Variants in TXNDC16 observed in about 807,000 individuals in gnomAD.
TXNDC16 encodes the protein thioredoxin domain containing 16.
Under a neutral mutation model 85.6 loss-of-function variants are expected in TXNDC16, and 74 were observed. The observed-to-expected ratio is 0.86, with a 90% CI of 0.72 to 1.05. The LOEUF is 1.05. Among genes scored for constraint, TXNDC16 ranks in the 50% least tolerant of loss-of-function variants. The probability of loss-of-function intolerance (pLI) is 0.00; values close to 1 mark genes in which losing one functional copy is unlikely to be tolerated. For synonymous variants in TXNDC16, 335 were observed against 326.5 expected (o/e 1.03, Z -0.28); for missense variants, 959 against 947.0 (o/e 1.01, Z -0.17).
At chr14:52,433,721 T>C (rs977009851) in intron 20 of TXNDC16, among the ~76,000 whole-genome samples, 1 of 152,204 alleles carries the variant, frequency 6.6e-6, no homozygotes, top group Non-Finnish European at 1.5e-5. Flanking sequence ...AGCAGGGCAA[T>C]AAATTTAGGC....
chr14:52,521,770 TC>T (rs1449410455), intron 6 of TXNDC16, among the ~76,000 whole-genome samples: 17 of 152,346 alleles, frequency 1.1e-4, no homozygotes, highest in African/African-American at 4.1e-4. Flanking sequence ...TGAGCAGTAT[TC>T]ACTATGTGCT....
intron 16 of TXNDC16, among the ~76,000 whole-genome samples, chr14:52,465,915 T>G (rs1210376176): frequency 6.6e-6 from 1 of 152,082 alleles, no homozygotes; most frequent in African/African-American, 2.4e-5. Flanking sequence ...AAAAATAAGA[T>G]GAATTAATAA....
chr14:52,453,551 T>C (rs767543773), intron 18 of TXNDC16, among the ~76,000 whole-genome samples: 13 of 152,200 alleles, frequency 8.5e-5, no homozygotes, highest in Non-Finnish European at 1.2e-4. Flanking sequence ...CTGGAGGTCA[T>C]GATGTTAAAT....
intron 9 of TXNDC16, among the ~76,000 whole-genome samples, chr14:52,504,623 A>T (rs1299029436): frequency 1.3e-5 from 2 of 152,264 alleles, no homozygotes; most frequent in Non-Finnish European, 2.9e-5. Context: ...AACATTCCAA[A>T]TTGTAAAGAC....
At chr14:52,545,167 A>G (rs1481505813) in intron 1 of TXNDC16, among the ~76,000 whole-genome samples, 1 of 152,224 alleles carries the variant, frequency 6.6e-6, no homozygotes, top group Non-Finnish European at 1.5e-5. Flanking sequence ...CCTGGCCTCC[A>G]GGTTATAATT....
chr14:52,505,297 C>T (rs2036768776), intron 9 of TXNDC16, among the ~76,000 whole-genome samples: 1 of 152,236 alleles, frequency 6.6e-6, no homozygotes, highest in South Asian at 2.1e-4. Flanking sequence ...CACACCTATT[C>T]CAAAATTGAC....
chr14:52,435,060 T>C (rs1232826968), intron 20 of TXNDC16, among the ~76,000 whole-genome samples: 5 of 152,180 alleles, frequency 3.3e-5, no homozygotes, highest in African/African-American at 1.2e-4. Flanking sequence ...GTGATGATAA[T>C]ACATTAGAGT....
At chr14:52,513,614 C>G (rs1266446930) in intron 8 of TXNDC16, among the ~76,000 whole-genome samples, 1 of 151,536 alleles carries the variant, frequency 6.6e-6, no homozygotes, top group Non-Finnish European at 1.5e-5. Context: ...AGAAAAATAC[C>G]ATGCCTTAGT....
In TXNDC16 at chr14:52,542,596, C is replaced by T; in HGVS notation, c.161-143G>A. The T allele has an allele frequency of 7.6e-6, 4 of 523,054 alleles. No homozygotes were observed. In the South Asian group the frequency reaches 1.3e-4, roughly 17 times the overall value. The allele number at this position is 523,054 out of a possible 1,614,324, so 32.4% of individuals were successfully genotyped here. A position where few individuals can be genotyped will look rare whatever the true frequency, so the allele number is the denominator to read the frequency against. On this transcript the variant is annotated intron_variant, in intron 3 of 20. Transcript: ENST00000281741. Reference sequence around the variant, plus strand: ...ACATATCTCATTACATATTTTCACACCCTTATTTTACTATTGCCTCATTAT... The same window carrying T: ...ACATATCTCATTACATATTTTCACATCCTTATTTTACTATTGCCTCATTAT...
chr14:52,487,843 T>G (rs1405169345), intron 12 of TXNDC16, among the ~76,000 whole-genome samples: 9 of 152,176 alleles, frequency 5.9e-5, no homozygotes, highest in Admixed American at 5.9e-4. Flanking sequence ...GAAAAAGAGT[T>G]AAAAACTATA....
chr14:52,476,445 G>A (rs1254762641), intron 14 of TXNDC16, among the ~76,000 whole-genome samples: 1 of 152,048 alleles, frequency 6.6e-6, no homozygotes, highest in African/African-American at 2.4e-5. Context: ...AATTATGCAA[G>A]AAGTAAAGGG....
chr14:52,539,758 G>A (rs979175721), intron 4 of TXNDC16, among the ~76,000 whole-genome samples: 4 of 152,110 alleles, frequency 2.6e-5, no homozygotes, highest in African/African-American at 9.7e-5. Context: ...GAAAAGTCAA[G>A]GATGACAGAG....
At chr14:52,492,130 A>G (rs2036421630) in intron 9 of TXNDC16, among the ~76,000 whole-genome samples, 1 of 152,200 alleles carries the variant, frequency 6.6e-6, no homozygotes, top group Non-Finnish European at 1.5e-5. Flanking sequence ...TCCCTACACC[A>G]GCAGAAATCT....
chr14:52,509,375 C>T (rs2140180079), intron 9 of TXNDC16, among the ~76,000 whole-genome samples: 1 of 152,142 alleles, frequency 6.6e-6, no homozygotes, highest in East Asian at 1.9e-4. Flanking sequence ...TAGTGAAGAA[C>T]TATACAGTGA....
intron 6 of TXNDC16, among the ~76,000 whole-genome samples, chr14:52,534,706 T>C (rs1218907521): frequency 1.3e-5 from 2 of 152,196 alleles, no homozygotes; most frequent in Non-Finnish European, 2.9e-5. Flanking sequence ...TATGCATACA[T>C]ACTTCTACTA....
intron 14 of TXNDC16, among the ~76,000 whole-genome samples, chr14:52,472,311 C>A (rs1212915984): frequency 1.3e-5 from 2 of 151,968 alleles, no homozygotes. Flanking sequence ...GATTCTCCTG[C>A]CTCAGCCTCC....
intron 9 of TXNDC16, among the ~76,000 whole-genome samples, chr14:52,504,313 C>T (rs1432612075): frequency 6.6e-6 from 1 of 152,130 alleles, no homozygotes; most frequent in African/African-American, 2.4e-5. Flanking sequence ...TTAAGGGCAG[C>T]CAGAGAGAAA....
Position 52,464,645 on chromosome 14 carries a change from T to C in TXNDC16, c.1618+5392A>G, listed in dbSNP as rs571807018. ...TTTTTCATTAGAAGGTTATGCTCTC[T>C]ATAAGGCCAGGTGCGGTGGCTCACG... On this transcript the variant is annotated intron_variant, in intron 16 of 20. Transcript: ENST00000281741. 1.4e-4 allele frequency among the ~76,000 whole-genome samples: 21 copies of C among 152,268 alleles called. No homozygotes were observed. The South Asian group carries it at 4.4e-3, about 32-fold the overall frequency.
In TXNDC16 at chr14:52,470,630, C is replaced by T. The variant is rs568361370; in HGVS notation, c.1363G>A (p.Val455Ile). 2 of 1,613,786 alleles carry T rather than the reference C, an allele frequency of 1.2e-6. No individual in the cohort carries two copies. Among genetic ancestry groups the T allele is most frequent in the South Asian group, 2.2e-5 (2 of 91,016 alleles). ...TCAGTAACATTTTGCTTAGTACATA[C>T]ATCAGACCAATCTGCACAGTTTATT... ...TRINCADWSD[V>I]CTKQNVTEFP... is the part of the protein sequence containing the mutation. Residue 455 changes from valine to isoleucine, a missense_variant, in exon 15 of 21, where the codon GTA becomes ATA. Coordinates refer to ENST00000281741, the MANE Select transcript of TXNDC16 (RefSeq NM_020784.3).
Sources: allele counts gnomAD v4.1 joint callset (sites outside exome capture counted in the v4.1 genomes callset), GRCh38; gene constraint gnomAD v4.1.1; transcripts MANE v1.5; gene names NCBI Gene and HGNC (gene_info 2026-07-23, HGNC 2026-07-21).